The following CD82 variants were observed in gnomAD, a reference collection of about 807,000 sequenced individuals.
CD82 encodes the protein CD82 molecule, also known as CD82 antigen.
A neutral mutation model predicts 37.4 loss-of-function variants in CD82; 36 were observed. That is an observed-to-expected ratio of 0.96 (90% CI 0.74 to 1.27). The LOEUF (loss-of-function observed/expected upper bound fraction) is 1.27. CD82 is among the 50% of genes most tolerant of loss of function. The probability of loss-of-function intolerance (pLI) is 0.00; values close to 1 mark genes in which losing one functional copy is unlikely to be tolerated. For missense variants in CD82, 340 were observed against 347.0 expected, an observed-to-expected ratio of 0.98 and a Z score of 0.16; for synonymous variants, 158 against 137.4, an observed-to-expected ratio of 1.15 and a Z score of -1.05.
rs751624745 is a variant in CD82, at chr11:44,618,277, G to A, written c.554G>A (p.Ser185Asn). Residue 185 changes from serine (S) to asparagine (N), a missense_variant, in exon 8 of 10, where the codon AGC becomes AAC. By Grantham distance (46) the Ser-to-Asn change is conservative. Transcript: ENST00000227155. ...SCEVKGEEDN[S>N]LSVRKGFCEA... ...GAAGTCAAGGGGGAAGAGGACAACA[G>A]CCTTTCTGTGAGGAAGGGCTTCTGC... 4 of 1,614,098 alleles carry A rather than the reference G, an allele frequency of 2.5e-6. No individual in the cohort carries two copies. Among genetic ancestry groups the A allele is most frequent in the Non-Finnish European group, 1.7e-6 (2 of 1,180,034 alleles).
chr11:44,590,610 C>CAAAAAAAAAAAAAAAAAAAAA lies in CD82; in HGVS notation c.-21+3074_-21+3075insAAAAAAAAAAAAAAAAAAAAA, dbSNP rs56665683. On this transcript the variant is annotated intron_variant, in intron 2 of 9. Transcript: ENST00000227155. ...TGGGCAACAGAGGGAGATTCTGTCT[C>CAAAAAAAAAAAAAAAAAAAAA]AAAAAAAAAAAAAAAAAAAAGATGA... 1.0e-3 allele frequency among the ~76,000 whole-genome samples: 35 copies of CAAAAAAAAAAAAAAAAAAAAA among 33,456 alleles called. 6 individuals are homozygous for CAAAAAAAAAAAAAAAAAAAAA. The highest frequency in any genetic ancestry group is 1.4e-3 in the Non-Finnish European group (27 of 18,896). 21.9% of individuals were successfully genotyped at this position (33,456 alleles called of 152,430 possible).
intron 2 of CD82, 27 bp downstream of exon 2, chr11:44,587,583 G>T (rs1853075556): frequency 2.2e-6 from 1 of 456,122 alleles, no homozygotes; most frequent in African/African-American, 2.0e-5. Flanking sequence ...GAGGAGTGGT[G>T]GGTTGGAGGG....
intron 1 of CD82, among the ~76,000 whole-genome samples, chr11:44,585,668 G>A (rs1853043833): frequency 1.3e-5 from 2 of 152,242 alleles, no homozygotes; most frequent in South Asian, 2.1e-4. Flanking sequence ...TGGGAGCCAA[G>A]GGCCGGCTCT....
At chr11:44,612,282 C>T (rs530349249) in intron 6 of CD82, among the ~76,000 whole-genome samples, 5 of 152,310 alleles carry the variant, frequency 3.3e-5, no homozygotes, top group South Asian at 2.1e-4. Flanking sequence ...TCACTTCTTC[C>T]GCATGTTGGC....
At chr11:44,596,727 A>G in intron 3 of CD82, 1 of 365,072 alleles carries the variant, frequency 2.7e-6, no homozygotes, top group Non-Finnish European at 5.4e-6. Context: ...GTGAAAGAGG[A>G]GGGCTGGAGG....
chr11:44,598,283 G>A (rs1028434902), intron 3 of CD82, among the ~76,000 whole-genome samples: 3 of 151,844 alleles, frequency 2.0e-5, no homozygotes, highest in Admixed American at 6.6e-5. Flanking sequence ...AGGGAGAGAG[G>A]CAACCCCCTA....
chr11:44,571,020 G>A (rs1852806599), intron 1 of CD82, among the ~76,000 whole-genome samples: 2 of 152,134 alleles, frequency 1.3e-5, no homozygotes, highest in South Asian at 2.1e-4. Context: ...CCTCTTCTCC[G>A]CCGCCCCACC....
intron 4 of CD82, among the ~76,000 whole-genome samples, chr11:44,601,756 C>A (rs1565090512): frequency 6.6e-6 from 1 of 152,312 alleles, no homozygotes; most frequent in Non-Finnish European, 1.5e-5. Flanking sequence ...GCCCGAGCCC[C>A]ACCCACCCCA....
At chr11:44,611,472 G>C (rs1441155444) in intron 6 of CD82, among the ~76,000 whole-genome samples, 1 of 152,270 alleles carries the variant, frequency 6.6e-6, no homozygotes, top group Non-Finnish European at 1.5e-5. Flanking sequence ...CGCCGTGCCT[G>C]TGATGTGGAT....
At chr11:44,600,075 C>A in intron 3 of CD82, 83 bp from the exon 4 acceptor site, 2 of 1,442,680 alleles carry the variant, frequency 1.4e-6, no homozygotes, top group Non-Finnish European at 1.9e-6. Flanking sequence ...CCCTGCCCAC[C>A]CTGACTTGGG....
At position 44,597,727 on chromosome 11, in the gene CD82, T is replaced by C. The variant is rs7108648; in HGVS notation, c.64-2431T>C. On this transcript the variant is annotated intron_variant, in intron 3 of 9. Transcript: ENST00000227155. This position sits in a 1 kb window ranked among gnomAD's most constrained non-coding sequence, Gnocchi z 4.1. Reference sequence around the variant, plus strand: ...TCCCTCCTGTCCCACCCTGTGAATGTGGGAGGGAATGGGGCAGGGGCTCTG... The same window carrying C: ...TCCCTCCTGTCCCACCCTGTGAATGCGGGAGGGAATGGGGCAGGGGCTCTG... Among the ~76,000 whole-genome samples, 71,158 of 152,100 alleles carry C rather than the reference T, an allele frequency of 0.47. 17,873 individuals are homozygous for C. Among genetic ancestry groups the C allele is most frequent in the African/African-American group, 0.65 (26,791 of 41,508 alleles).
intron 1 of CD82, among the ~76,000 whole-genome samples, chr11:44,576,499 C>T (rs763956952): frequency 1.3e-5 from 2 of 152,150 alleles, no homozygotes; most frequent in African/African-American, 2.4e-5. Flanking sequence ...TGGAGGGAGC[C>T]GGGATGTGGA....
chr11:44,608,329 G>A (rs562153230), intron 6 of CD82, among the ~76,000 whole-genome samples: 3 of 152,232 alleles, frequency 2.0e-5, no homozygotes, highest in South Asian at 2.1e-4. Flanking sequence ...TCTGTCACCC[G>A]CAGCCACTCT....
intron 4 of CD82, 97 bp downstream of exon 4, chr11:44,600,327 C>A: frequency 8.6e-7 from 1 of 1,158,048 alleles, no homozygotes; most frequent in Non-Finnish European, 1.3e-6. Context: ...GGCTTCAATG[C>A]CTGTTGCTTT....
intron 1 of CD82, among the ~76,000 whole-genome samples, chr11:44,577,454 A>G (rs1382589884): frequency 6.6e-6 from 1 of 152,028 alleles, no homozygotes; most frequent in Non-Finnish European, 1.5e-5. Context: ...CAGTGGGTGA[A>G]CTGGCTGACC....
At chr11:44,564,829 G>T (rs1202357512), upstream of CD82, among the ~76,000 whole-genome samples, 1 of 152,202 alleles carries the variant, frequency 6.6e-6, no homozygotes, top group Non-Finnish European at 1.5e-5. Flanking sequence ...TCCCGCTCAC[G>T]CCCGCCTCCA....
At chr11:44,591,543 C>T (rs543331363) in intron 2 of CD82, among the ~76,000 whole-genome samples, 135 of 152,326 alleles carry the variant, frequency 8.9e-4, no homozygotes, top group Non-Finnish European at 1.5e-3. Context: ...GAAACCCAGC[C>T]GTCCCCAAAG....
intron 7 of CD82, among the ~76,000 whole-genome samples, chr11:44,617,785 T>A (rs1449661930): frequency 6.6e-6 from 1 of 152,122 alleles, no homozygotes; most frequent in African/African-American, 2.4e-5. Flanking sequence ...ATTTTAATTA[T>A]CCCCATTTAC....
chr11:44,608,925 C>T (rs761402008), intron 6 of CD82, among the ~76,000 whole-genome samples: 7 of 152,244 alleles, frequency 4.6e-5, no homozygotes, highest in Non-Finnish European at 7.3e-5. Flanking sequence ...GGAAGGGCGT[C>T]GTGCGGCACT....
Sources: allele counts gnomAD v4.1 joint callset (sites outside exome capture counted in the v4.1 genomes callset), GRCh38; gene constraint gnomAD v4.1.1; non-coding constraint Gnocchi (gnomAD v3.1); transcripts MANE v1.5; gene names NCBI Gene and HGNC (gene_info 2026-07-23, HGNC 2026-07-21).